Variants in SETBP1 observed in about 807,000 individuals in gnomAD.
SETBP1 encodes the protein SET-binding protein.
SETBP1 carries 9 observed loss-of-function variants against 101.0 expected under a neutral mutation model. The ratio of observed to expected loss-of-function variants is 0.09; its 90% confidence interval spans 0.05 to 0.16. The LOEUF is 0.16. SETBP1 is among the 10% of genes least tolerant of loss of function. The probability of loss-of-function intolerance (pLI) is 1.00; values close to 1 mark genes in which losing one functional copy is unlikely to be tolerated. For synonymous variants in SETBP1, 818 were observed against 788.5 expected (o/e 1.04, Z -0.63); for missense variants, 1,858 against 2,033.8 (o/e 0.91, Z 1.66).
At chr18:44,963,102 G>A (rs2145158332) in intron 4 of SETBP1, among the ~76,000 whole-genome samples, 1 of 152,210 alleles carries the variant, frequency 6.6e-6, no homozygotes, top group East Asian at 1.9e-4. Context: ...TTCAGAAAAA[G>A]TGCTAGATCC....
At chr18:44,736,784 C>T (rs538225057) in intron 2 of SETBP1, among the ~76,000 whole-genome samples, 2 of 152,324 alleles carry the variant, frequency 1.3e-5, no homozygotes, top group South Asian at 4.1e-4. Flanking sequence ...TGTTGACTGA[C>T]TTGCTCATAC....
intron 4 of SETBP1, among the ~76,000 whole-genome samples, chr18:45,011,194 A>G (rs893707441): frequency 2.0e-5 from 3 of 152,042 alleles, no homozygotes; most frequent in African/African-American, 7.2e-5. Context: ...AGAATCATAG[A>G]CTCCCAGGGT....
At chr18:44,920,790 C>T (rs987723928) in intron 3 of SETBP1, among the ~76,000 whole-genome samples, 1 of 152,136 alleles carries the variant, frequency 6.6e-6, no homozygotes, top group African/African-American at 2.4e-5. Flanking sequence ...CAGGCTTCCC[C>T]ACAATTTATG....
At chr18:44,998,333 G>A (rs1380781011) in intron 4 of SETBP1, among the ~76,000 whole-genome samples, 3 of 152,200 alleles carry the variant, frequency 2.0e-5, no homozygotes, top group African/African-American at 7.2e-5. Flanking sequence ...CCAGGCACTT[G>A]CCCCATACTT....
chr18:44,793,280 G>A (rs193245061), intron 2 of SETBP1, among the ~76,000 whole-genome samples: 1 of 152,318 alleles, frequency 6.6e-6, no homozygotes, highest in Admixed American at 6.5e-5. Context: ...TGCACATTAA[G>A]ATTATCTGGG....
chr18:45,004,467 C>T (rs986483360), intron 4 of SETBP1, among the ~76,000 whole-genome samples: 8 of 152,154 alleles, frequency 5.3e-5, no homozygotes, highest in African/African-American at 1.7e-4. Flanking sequence ...TAACCAGCTG[C>T]CTGTTACAGA....
chr18:45,031,335 A>G (rs2073293528), intron 4 of SETBP1, among the ~76,000 whole-genome samples: 1 of 152,128 alleles, frequency 6.6e-6, no homozygotes, highest in Non-Finnish European at 1.5e-5. Flanking sequence ...AGGTTCTAGG[A>G]ATTACGATGT....
At chr18:44,759,757 T>C (rs16978158) in intron 2 of SETBP1, among the ~76,000 whole-genome samples, 12,362 of 152,300 alleles carry the variant, frequency 0.081, 544 homozygotes, top group East Asian at 0.14. Flanking sequence ...GGCAAATCTT[T>C]GAGCCTCACA....
intron 2 of SETBP1, among the ~76,000 whole-genome samples, chr18:44,812,079 A>G (rs1172161511): frequency 6.6e-6 from 1 of 152,126 alleles, no homozygotes; most frequent in East Asian, 1.9e-4. Context: ...GGGCCTGCAG[A>G]GAAGTGGAGG....
At position 45,063,064 on chromosome 18, in the gene SETBP1, C is replaced by A; in HGVS notation, c.4172-15C>A. Reference sequence around the variant, plus strand: ...GCATCCTGTGCTCAATTTCTTATCTCTTCCCCTCCCGCAGTCGGCTCCTCC... The same window carrying A: ...GCATCCTGTGCTCAATTTCTTATCTATTCCCCTCCCGCAGTCGGCTCCTCC... On this transcript the variant is annotated splice_polypyrimidine_tract_variant and intron_variant, in intron 5 of 5. Coordinates refer to ENST00000649279, the MANE Select transcript of SETBP1 (RefSeq NM_015559.3). 6.2e-7 allele frequency: 1 copy of A among 1,613,712 alleles called. No individual in the cohort carries two copies. The highest frequency in any genetic ancestry group is 1.1e-5 in the South Asian group (1 of 91,046).
At chr18:44,947,539 C>A (rs193147446) in intron 3 of SETBP1, among the ~76,000 whole-genome samples, 1 of 139,044 alleles carries the variant, frequency 7.2e-6, no homozygotes, top group African/African-American at 2.7e-5. Flanking sequence ...ACTCTTATTG[C>A]CCAGGTGCCC....
At chr18:44,757,246 A>C (rs2070517617) in intron 2 of SETBP1, among the ~76,000 whole-genome samples, 1 of 152,180 alleles carries the variant, frequency 6.6e-6, no homozygotes, top group Admixed American at 6.5e-5. Flanking sequence ...TAAGGCCAAG[A>C]TCAGTCTCTC....
At chr18:45,046,517 G>A (rs2073614774) in intron 5 of SETBP1, among the ~76,000 whole-genome samples, 2 of 152,202 alleles carry the variant, frequency 1.3e-5, no homozygotes, top group African/African-American at 4.8e-5. Context: ...CAGCCTATAT[G>A]GCATTGTACT....
chr18:44,871,040 G>T, intron 3 of SETBP1: 1 of 152,290 alleles, frequency 6.6e-6, no homozygotes, highest in Non-Finnish European at 1.5e-5. Flanking sequence ...CAGATGGCTC[G>T]CTCCTCTGGT....
At chr18:44,864,416 G>A (rs2069084358) in intron 2 of SETBP1, among the ~76,000 whole-genome samples, 1 of 152,036 alleles carries the variant, frequency 6.6e-6, no homozygotes. Context: ...AATTCTCCTT[G>A]TTCTCCAACC....
chr18:44,843,878 G>T (rs574033690), intron 2 of SETBP1, among the ~76,000 whole-genome samples: 1 of 152,104 alleles, frequency 6.6e-6, no homozygotes. Flanking sequence ...AACTCCACAG[G>T]CATCTTTATC....
At chr18:45,052,513 G>T (rs946328005) in intron 5 of SETBP1, among the ~76,000 whole-genome samples, 2 of 152,190 alleles carry the variant, frequency 1.3e-5, no homozygotes, top group African/African-American at 4.8e-5. Flanking sequence ...CAGAAGAGTT[G>T]CCTCTGGATA....
chr18:44,879,637 T>G (rs1018676985), intron 3 of SETBP1, among the ~76,000 whole-genome samples: 1 of 152,116 alleles, frequency 6.6e-6, no homozygotes, highest in African/African-American at 2.4e-5. Context: ...CCACAAAACC[T>G]AGATTCACCT....
intron 3 of SETBP1, among the ~76,000 whole-genome samples, chr18:44,934,978 G>A (rs2070926298): frequency 6.6e-6 from 1 of 152,178 alleles, no homozygotes; most frequent in Admixed American, 6.5e-5. Context: ...GTTGACATGG[G>A]GACCCACATG....
Sources: allele counts gnomAD v4.1 joint callset (sites outside exome capture counted in the v4.1 genomes callset), GRCh38; gene constraint gnomAD v4.1.1; transcripts MANE v1.5; gene names NCBI Gene and HGNC (gene_info 2026-07-23, HGNC 2026-07-21).